Variants in ASAP1 observed in about 807,000 individuals in gnomAD.
The protein encoded by ASAP1 is arf-GAP with SH3 domain, ANK repeat and PH domain-containing protein 1.
In ASAP1, 43 loss-of-function variants were observed where a neutral mutation model predicts 145.2. That is an observed-to-expected ratio of 0.30 (90% confidence interval 0.23 to 0.38). The LOEUF is 0.38. ASAP1 is among the 10% of genes least tolerant of loss of function. The probability of loss-of-function intolerance (pLI) is 1.00; values close to 1 mark genes in which losing one functional copy is unlikely to be tolerated. For missense variants in ASAP1, 1,018 were observed against 1,355.3 expected (o/e 0.75, Z 3.91); for synonymous variants, 546 against 515.5 (o/e 1.06, Z -0.80).
intron 24 of ASAP1, among the ~76,000 whole-genome samples, chr8:130,097,343 G>T (rs2135463816): frequency 6.6e-6 from 1 of 152,032 alleles, no homozygotes; most frequent in East Asian, 1.9e-4. Context: ...GGTTCTAAAT[G>T]TGTCTTCTGA....
chr8:130,072,825 G>GTGCGTGCGCGCGCGCGCGCGCA, intron 27 of ASAP1, among the ~76,000 whole-genome samples: 3 of 54,098 alleles, frequency 5.5e-5, no homozygotes, highest in African/African-American at 1.8e-4. Flanking sequence ...GTGTGTGTGT[G>GTGCGTGCGCGCGCGCGCGCGCA]CGCGCGGGGG....
chr8:130,321,778 T>C (rs1355381636), intron 3 of ASAP1, among the ~76,000 whole-genome samples: 1 of 152,236 alleles, frequency 6.6e-6, no homozygotes, highest in Non-Finnish European at 1.5e-5. Context: ...GTTTGTCTTT[T>C]AACATCAGTT....
chr8:130,183,161 T>C (rs528280261), intron 7 of ASAP1, among the ~76,000 whole-genome samples: 36 of 152,140 alleles, frequency 2.4e-4, no homozygotes, highest in African/African-American at 8.7e-4. Context: ...TCGTAAAACC[T>C]TTTACAGAGA....
At chr8:130,256,759 A>ATATATCCT (rs1554860225) in intron 3 of ASAP1, among the ~76,000 whole-genome samples, 19 of 95,702 alleles carry the variant, frequency 2.0e-4, no homozygotes, top group African/African-American at 2.9e-4. Flanking sequence ...ATATATATAT[A>ATATATCCT]TATATATATA....
intron 1 of ASAP1, among the ~76,000 whole-genome samples, chr8:130,436,672 C>T (rs1272205706): frequency 6.6e-6 from 1 of 152,144 alleles, no homozygotes; most frequent in Non-Finnish European, 1.5e-5. Flanking sequence ...CAAGGTGGCT[C>T]ATGCTGGTAA....
chr8:130,260,260 T>A (rs1384684252), intron 3 of ASAP1, among the ~76,000 whole-genome samples: 2 of 152,074 alleles, frequency 1.3e-5, no homozygotes, highest in African/African-American at 4.8e-5. Context: ...ACCATCACAG[T>A]CTCTTCCAAT....
chr8:130,418,761 C>G lies in ASAP1; in HGVS notation c.-27-16791G>C, dbSNP rs1829593671. 6.7e-5 allele frequency among the ~76,000 whole-genome samples: 7 copies of G among 104,090 alleles called. No individual in the cohort carries two copies. In the South Asian group the frequency reaches 2.9e-3, roughly 44 times the overall value. 68.3% of individuals were successfully genotyped at this position (104,090 alleles called of 152,430 possible). On this transcript the variant is annotated intron_variant, in intron 1 of 29. Transcript: ENST00000518721. Reference sequence around the variant, plus strand: ...TTTGGATAGAATCATACAATAGGTGCCAAAAAAAATAGGAGTTTTTTTTTT... The same window carrying G: ...TTTGGATAGAATCATACAATAGGTGGCAAAAAAAATAGGAGTTTTTTTTTT...
intron 1 of ASAP1, among the ~76,000 whole-genome samples, chr8:130,413,939 T>C (rs1246582035): frequency 6.6e-6 from 1 of 152,224 alleles, no homozygotes; most frequent in Non-Finnish European, 1.5e-5. Flanking sequence ...ACTCCAACAG[T>C]TGCCTATGAG....
At chr8:130,075,762 G>A (rs746543795) in intron 27 of ASAP1, among the ~76,000 whole-genome samples, 1 of 152,194 alleles carries the variant, frequency 6.6e-6, no homozygotes, top group Non-Finnish European at 1.5e-5. Flanking sequence ...TCAAAGAGCT[G>A]AGTGTCTTAG....
At chr8:130,168,523 G>A (rs1276588097) in intron 10 of ASAP1, among the ~76,000 whole-genome samples, 1 of 152,158 alleles carries the variant, frequency 6.6e-6, no homozygotes, top group South Asian at 2.1e-4. Context: ...CCAGAAGGCG[G>A]ACATTGCAGT....
chr8:130,171,724 G>A (rs1813607356), intron 9 of ASAP1, among the ~76,000 whole-genome samples: 1 of 152,218 alleles, frequency 6.6e-6, no homozygotes, highest in African/African-American at 2.4e-5. Context: ...GATAGTCAAA[G>A]CAGCGGCTTC....
intron 3 of ASAP1, among the ~76,000 whole-genome samples, chr8:130,283,131 A>G (rs1821351679): frequency 2.0e-5 from 3 of 152,224 alleles, no homozygotes; most frequent in Admixed American, 2.0e-4. Context: ...GTGGGCCACT[A>G]CGTTGTGAGC....
chr8:130,057,777 T>C (rs1316163452), intron 29 of ASAP1, among the ~76,000 whole-genome samples, 177 bp downstream of exon 29: 2 of 152,166 alleles, frequency 1.3e-5, no homozygotes, highest in Non-Finnish European at 2.9e-5. Flanking sequence ...TAGCATGTAA[T>C]AGTGTGTGAC....
chr8:130,179,486 G>A (rs1290423899), intron 8 of ASAP1, 137 bp from the exon 9 acceptor site: 5 of 532,094 alleles, frequency 9.4e-6, no homozygotes, highest in Admixed American at 3.6e-5. Context: ...TTTAGAGAAT[G>A]CTGATTTCGC....
intron 12 of ASAP1, among the ~76,000 whole-genome samples, chr8:130,153,664 G>A (rs2097652289): frequency 6.6e-6 from 1 of 151,902 alleles, no homozygotes; most frequent in African/African-American, 2.4e-5. Context: ...CACTGTGACT[G>A]GCCGTGGCAC....
At position 130,097,126 on chromosome 8, in the gene ASAP1, CAAAAAAAAAAAAAAAAAAAAAA is replaced by C. The variant is rs61591724; in HGVS notation, c.2402-5005_2402-4984del. ...AGGAGACAGAGTGACAGTTAGTCTC[CAAAAAAAAAAAAAAAAAAAAAA>C]AAAAAAAAAAAAAGTCCTTGAAAAC... On this transcript the variant is annotated intron_variant, in intron 24 of 29. Transcript: ENST00000518721. Among the ~76,000 whole-genome samples the C allele has an allele frequency of 8.6e-4, 46 of 53,600 alleles. 1 individual carries two copies. Among genetic ancestry groups the C allele is most frequent in the Admixed American group, 8.6e-3 (26 of 3,038 alleles). 35.2% of individuals were successfully genotyped at this position (53,600 alleles called of 152,430 possible).
At chr8:130,264,357 C>A (rs973237670) in intron 3 of ASAP1, among the ~76,000 whole-genome samples, 2 of 152,266 alleles carry the variant, frequency 1.3e-5, no homozygotes, top group Middle Eastern at 3.4e-3. Flanking sequence ...GCACTCTGTC[C>A]AGATGGACAC....
At chr8:130,247,371 G>A (rs946286547) in intron 3 of ASAP1, among the ~76,000 whole-genome samples, 3 of 152,078 alleles carry the variant, frequency 2.0e-5, no homozygotes, top group Non-Finnish European at 4.4e-5. Context: ...TGACAGATAA[G>A]AAAATTGAAC....
intron 3 of ASAP1, among the ~76,000 whole-genome samples, chr8:130,300,466 C>A (rs998026748): frequency 2.0e-5 from 3 of 152,156 alleles, no homozygotes; most frequent in Non-Finnish European, 4.4e-5. Context: ...GTTCTCAGTT[C>A]TAGCAGCACA....
Sources: gnomAD v4.1 joint callset for allele counts (sites outside exome capture counted in the v4.1 genomes callset) on GRCh38, gnomAD v4.1.1 for gene constraint, MANE v1.5 for transcripts, NCBI Gene and HGNC (gene_info 2026-07-23, HGNC 2026-07-21) for gene names.